Variants in CDKL5 observed in about 807,000 individuals in gnomAD.
CDKL5 encodes cyclin-dependent kinase-like 5.
In CDKL5, 8 loss-of-function variants were observed where a neutral mutation model predicts 61.7. That is an observed-to-expected ratio of 0.13 (90% CI 0.08 to 0.23). The LOEUF is 0.23. Among genes scored for constraint, CDKL5 ranks in the 10% least tolerant of loss-of-function variants. The pLI is 1.00. For synonymous variants in CDKL5, 275 were observed against 272.3 expected (o/e 1.01, Z -0.10); for missense variants, 440 against 734.5 (o/e 0.60, Z 4.63).
intron 17 of CDKL5, chrX:18,626,895 C>T (rs1463774985): frequency 9.3e-6 from 1 of 107,647 alleles, no homozygotes; most frequent in Non-Finnish European, 1.9e-5. Flanking sequence ...ACTACAGGCA[C>T]ACGCCACCAT....
At chrX:18,585,334 G>A (rs1475923254) in intron 8 of CDKL5, among the ~76,000 whole-genome samples, 1 of 111,092 alleles carries the variant, frequency 9.0e-6, no homozygotes, top group African/African-American at 3.3e-5. Flanking sequence ...GGCAGAGGTC[G>A]CAGTGGGCTG....
At chrX:18,428,464 A>G (rs1364518011) in intron 1 of CDKL5, among the ~76,000 whole-genome samples, 1 of 111,891 alleles carries the variant, frequency 8.9e-6, no homozygotes. Context: ...TATTTCCTCT[A>G]GATATTAGGT....
chrX:18,511,177 CT>C (rs1360882565), intron 3 of CDKL5, among the ~76,000 whole-genome samples: 2 of 111,896 alleles, frequency 1.8e-5, no homozygotes, highest in African/African-American at 6.5e-5. Flanking sequence ...GAATTTTCCA[CT>C]TGTGGCATCA....
intron 4 of CDKL5, among the ~76,000 whole-genome samples, chrX:18,572,191 C>T (rs1925157431): frequency 9.0e-6 from 1 of 111,353 alleles, no homozygotes; most frequent in African/African-American, 3.3e-5. Context: ...AAGTGGCTTG[C>T]CTAAAGTTGC....
intron 3 of CDKL5, among the ~76,000 whole-genome samples, chrX:18,518,576 T>C (rs1187891622): frequency 9.4e-6 from 1 of 106,550 alleles, no homozygotes; most frequent in African/African-American, 3.4e-5. Context: ...GGCTAATTTT[T>C]TTTATTTTTA....
intron 7 of CDKL5, among the ~76,000 whole-genome samples, chrX:18,583,025 T>C (rs766900025): frequency 1.8e-5 from 2 of 112,208 alleles, no homozygotes; most frequent in Non-Finnish European, 3.8e-5. Flanking sequence ...ATACTGGATC[T>C]GAAAGATTTT....
intron 4 of CDKL5, among the ~76,000 whole-genome samples, chrX:18,570,489 T>C (rs1005522140): frequency 1.3e-4 from 15 of 111,855 alleles, no homozygotes; most frequent in Non-Finnish European, 2.6e-4. Context: ...TGTCTGTCTA[T>C]TGATGTCCCT....
At chrX:18,499,139 C>T (rs1390936809) in intron 1 of CDKL5, among the ~76,000 whole-genome samples, 1 of 111,552 alleles carries the variant, frequency 9.0e-6, no homozygotes, top group Non-Finnish European at 1.9e-5. Context: ...TGTATGTGTG[C>T]TTGGAGAGGA....
downstream of CDKL5, chrX:18,642,280 G>A: frequency 1.3e-6 from 1 of 749,418 alleles, no homozygotes; most frequent in Non-Finnish European, 2.0e-6. Flanking sequence ...AAAGCAGTTT[G>A]CGGGTGCCCC....
chrX:18,434,666 G>A (rs1428406239), intron 1 of CDKL5, among the ~76,000 whole-genome samples: 3 of 112,123 alleles, frequency 2.7e-5, no homozygotes, highest in Non-Finnish European at 5.6e-5. Flanking sequence ...GGTGGCTCAT[G>A]CCTGTAATCC....
intron 21 of CDKL5, among the ~76,000 whole-genome samples, chrX:18,651,771 T>A (rs2147199465): frequency 8.9e-6 from 1 of 112,108 alleles, no homozygotes; most frequent in African/African-American, 3.2e-5. Context: ...ATAGAAAATG[T>A]GACATTTCCC....
intron 1 of CDKL5, among the ~76,000 whole-genome samples, chrX:18,486,678 A>G (rs1412679215): frequency 8.9e-6 from 1 of 112,114 alleles, no homozygotes; most frequent in Non-Finnish European, 1.9e-5. Flanking sequence ...TTGAATATGT[A>G]CTATGATTAT....
At chrX:18,589,770 C>T (rs1211605401) in intron 9 of CDKL5, 3 of 112,377 alleles carry the variant, frequency 2.7e-5, no homozygotes, top group Non-Finnish European at 5.6e-5. Context: ...AAAAGTGTTC[C>T]TATTTCTCCA....
Position 18,631,171 on chromosome X carries a change from A to G in CDKL5, c.*2414A>G. ...TTCTATTCATGACGGTTCTTCAAAG[A>G]AGGGCTAGAATATTTGCCTTCTACC... is the stretch of plus-strand genomic sequence containing the variant. On this transcript the variant is annotated 3_prime_UTR_variant, in exon 18 of 18. Coordinates refer to ENST00000623535, the MANE Select transcript of CDKL5 (RefSeq NM_001323289.2). The G allele has an allele frequency of 1.3e-6, 1 of 753,393 alleles. No homozygotes were observed. The highest frequency in any genetic ancestry group is 6.8e-5 in the South Asian group (1 of 14,811). The allele number at this position is 753,393 out of a possible 1,213,427, so 62.1% of individuals were successfully genotyped here.
rs5909479 is a variant in CDKL5 at position 18,459,149 on chromosome X, A to G, written c.-163+33454A>G. On this transcript the variant is annotated intron_variant, in intron 1 of 17. Coordinates refer to ENST00000623535, the MANE Select transcript of CDKL5 (RefSeq NM_001323289.2). Reference sequence around the variant, plus strand: ...GAAATAGCTTAGCTGGCTTTATTCAACGTGTATCCTGGTGTACTTTTTTAA... The same window carrying G: ...GAAATAGCTTAGCTGGCTTTATTCAGCGTGTATCCTGGTGTACTTTTTTAA... 5.5e-3 allele frequency among the ~76,000 whole-genome samples: 624 copies of G among 112,667 alleles called. 3 individuals carry two copies. Among genetic ancestry groups the G allele is most frequent in the Admixed American group, 8.4e-3 (89 of 10,608 alleles).
At chrX:18,561,757 TTTAGAAA>T (rs1569210108) in intron 3 of CDKL5, among the ~76,000 whole-genome samples, 1 of 111,046 alleles carries the variant, frequency 9.0e-6, no homozygotes, top group Non-Finnish European at 1.9e-5. Context: ...TGATTTAGTG[TTTAGAAA>T]TTATATTAAA....
chrX:18,587,813 T>C lies in CDKL5; in HGVS notation c.555-141T>C, dbSNP rs895172213. ...CACTTGTGTTCTGATGATTTGCTTT[T>C]CAGCCTTCTTTTCACATGGAACTTT... On this transcript the variant is annotated intron_variant, in intron 8 of 17. Coordinates refer to ENST00000623535, the MANE Select transcript of CDKL5 (RefSeq NM_001323289.2). The C allele has an allele frequency of 9.0e-6, 5 of 552,896 alleles. No individual in the cohort carries two copies. In the Admixed American group the frequency reaches 1.2e-4, roughly 13 times the overall value. 45.6% of individuals were successfully genotyped at this position (552,896 alleles called of 1,213,427 possible). A position where few individuals can be genotyped will look rare whatever the true frequency, so the allele number is the denominator to read the frequency against.
intron 10 of CDKL5, among the ~76,000 whole-genome samples, chrX:18,596,703 A>C: frequency 8.9e-6 from 1 of 112,167 alleles, no homozygotes; most frequent in East Asian, 2.8e-4. Flanking sequence ...ATGTGAATAG[A>C]ATAAAGTAGG....
intron 3 of CDKL5, among the ~76,000 whole-genome samples, chrX:18,519,871 T>G (rs777924491): frequency 8.9e-6 from 1 of 112,306 alleles, no homozygotes; most frequent in Admixed American, 9.4e-5. Flanking sequence ...AACAGTTAAC[T>G]TTTGTTTCAA....
Sources: allele counts gnomAD v4.1 joint callset (sites outside exome capture counted in the v4.1 genomes callset), GRCh38; gene constraint gnomAD v4.1.1; transcripts MANE v1.5; gene names NCBI Gene and HGNC (gene_info 2026-07-23, HGNC 2026-07-21).